NSL1: variants seen among roughly 807,000 people sequenced by gnomAD.
NSL1 encodes kinetochore-associated protein NSL1 homolog.
In NSL1, 11 loss-of-function variants were observed where a neutral mutation model predicts 25.4. The ratio of observed to expected loss-of-function variants is 0.43; its 90% confidence interval spans 0.27 to 0.72. The LOEUF is 0.72. Ranked by LOEUF, NSL1 falls within the 30% of genes least tolerant of loss-of-function variation. The pLI, the probability that NSL1 is intolerant of heterozygous loss-of-function variation, is 0.19. For missense variants in NSL1, 330 were observed against 342.7 expected, an observed-to-expected ratio of 0.96 and a Z score of 0.29; for synonymous variants, 118 against 120.6, an observed-to-expected ratio of 0.98 and a Z score of 0.14.
Position 212,734,336 on chromosome 1 carries a change from T to G in NSL1, c.*4072A>C. ...CTGCCATTAAGGGACTTACAGTTTT[T>G]GGGTCTGTCTTTGATGCTGGAGACG... is the stretch of plus-strand genomic sequence containing the variant. On this transcript the variant is annotated 3_prime_UTR_variant, in exon 6 of 6. Transcript: ENST00000366977. 6.6e-6 allele frequency among the ~76,000 whole-genome samples: 1 copy of G among 152,250 alleles called. No individual in the cohort carries two copies. Among genetic ancestry groups the G allele is most frequent in the East Asian group, 1.9e-4 (1 of 5,200 alleles).
At chr1:212,771,611 C>CAAA (rs57899487) in intron 4 of NSL1, among the ~76,000 whole-genome samples, 13,842 of 58,446 alleles carry the variant, frequency 0.24, 1,399 homozygotes, top group Non-Finnish European at 0.35. Context: ...AAGACTCCAC[C>CAAA]AAAAAAAAAA....
At chr1:212,790,699 G>C (rs2102412487) in intron 1 of NSL1, among the ~76,000 whole-genome samples, 1 of 152,086 alleles carries the variant, frequency 6.6e-6, no homozygotes, top group South Asian at 2.1e-4. Context: ...AAGGCGGGCG[G>C]ATCACGAGGT....
At chr1:212,784,289 A>ACGT in intron 3 of NSL1, 74 bp downstream of exon 3, 2 of 1,014,092 alleles carry the variant, frequency 2.0e-6, no homozygotes. Flanking sequence ...ACTTATCTCC[A>ACGT]CGTAGAGCCT....
At chr1:212,788,897 A>G (rs1217449409) in intron 1 of NSL1, among the ~76,000 whole-genome samples, 1 of 152,240 alleles carries the variant, frequency 6.6e-6, no homozygotes, top group Non-Finnish European at 1.5e-5. Context: ...TCAGCATGAC[A>G]TTATTAATGG....
rs1267796206 is a variant in NSL1 at position 212,731,423 on chromosome 1, A to G, written c.*6985T>C. 1 of 985,212 alleles carries G rather than the reference A, an allele frequency of 1.0e-6. No individual in the cohort carries two copies. The highest frequency in any genetic ancestry group is 1.2e-6 in the Non-Finnish European group (1 of 829,906). The allele number at this position is 985,212 out of a possible 1,614,324, so 61.0% of individuals were successfully genotyped here. ...ATAAACTAGCCGGGCATGGTGGCAC[A>G]CGCCTGTTTTGAAACCCTGAGAAAG... On this transcript the variant is annotated 3_prime_UTR_variant, in exon 6 of 6. Coordinates refer to ENST00000366977, the MANE Select transcript of NSL1 (RefSeq NM_015471.4).
intron 4 of NSL1, among the ~76,000 whole-genome samples, chr1:212,751,753 G>T (rs890302491): frequency 6.6e-6 from 1 of 151,886 alleles, no homozygotes; most frequent in Admixed American, 6.6e-5. Context: ...ACTAAAAATG[G>T]TCACTAAATA....
chr1:212,759,203 T>G (rs1431219310), intron 4 of NSL1, among the ~76,000 whole-genome samples: 3 of 152,008 alleles, frequency 2.0e-5, no homozygotes, highest in Admixed American at 6.6e-5. Flanking sequence ...GTAAATTAGA[T>G]TTTGCCAAAT....
At chr1:212,762,631 C>T (rs993376409) in intron 4 of NSL1, among the ~76,000 whole-genome samples, 7 of 152,142 alleles carry the variant, frequency 4.6e-5, no homozygotes, top group Admixed American at 3.3e-4. Context: ...AAACTAAGTT[C>T]CCAGAGTGTA....
intron 4 of NSL1, among the ~76,000 whole-genome samples, chr1:212,765,020 T>C (rs1571895119): frequency 1.3e-5 from 2 of 151,928 alleles, no homozygotes; most frequent in Middle Eastern, 3.4e-3. Flanking sequence ...ATATAACCCT[T>C]CTAGATTAAA....
chr1:212,738,659 C>G lies in NSL1; in HGVS notation c.595G>C (p.Glu199Gln). The stretch of plus-strand genomic sequence containing the variant: ...ATCCTGAGAACTTGGGAAAATCCCT[C>G]TCCTTGTTCAATTAATGCAGGCAAG... ...KSLPALIEQG[E>Q]GFSQVLRMQP... Residue 199 changes from glutamate to glutamine, a missense_variant, in exon 6 of 6, where the codon GAG becomes CAG. Physicochemically the swap from Glu to Gln is conservative, Grantham distance 29. Coordinates refer to ENST00000366977, the MANE Select transcript of NSL1 (RefSeq NM_015471.4). 1 of 1,613,890 alleles carries G rather than the reference C, an allele frequency of 6.2e-7. No individual in the cohort carries two copies.
chr1:212,784,757 A>G (rs1026982004), intron 2 of NSL1, among the ~76,000 whole-genome samples: 1 of 152,248 alleles, frequency 6.6e-6, no homozygotes, highest in South Asian at 2.1e-4. Context: ...CTAAGAGTTC[A>G]CAGTTTGCTG....
chr1:212,762,663 C>T (rs917410385), intron 4 of NSL1, among the ~76,000 whole-genome samples: 10 of 152,164 alleles, frequency 6.6e-5, no homozygotes, highest in African/African-American at 2.2e-4. Context: ...GAGCCTGTCT[C>T]GGAGCACACA....
At chr1:212,754,638 G>A (rs568652756) in intron 4 of NSL1, among the ~76,000 whole-genome samples, 4 of 151,964 alleles carry the variant, frequency 2.6e-5, no homozygotes, top group East Asian at 1.9e-4. Flanking sequence ...TTATCCGGGC[G>A]TGGTGGTGGG....
chr1:212,785,935 A>G (rs1231765351), intron 2 of NSL1, among the ~76,000 whole-genome samples: 1 of 152,232 alleles, frequency 6.6e-6, no homozygotes, highest in Non-Finnish European at 1.5e-5. Context: ...ATAATCAAGT[A>G]TATCAGGTAT....
At chr1:212,745,901 G>A (rs1181860233) in intron 4 of NSL1, among the ~76,000 whole-genome samples, 2 of 152,198 alleles carry the variant, frequency 1.3e-5, no homozygotes, top group Non-Finnish European at 2.9e-5. Flanking sequence ...GGGAGGCTGA[G>A]GCTGCAGTGA....
At chr1:212,749,098 CAT>C (rs1658941212) in intron 4 of NSL1, among the ~76,000 whole-genome samples, 1 of 152,048 alleles carries the variant, frequency 6.6e-6, no homozygotes, top group African/African-American at 2.4e-5. Flanking sequence ...GTGGCAGTTA[CAT>C]GTGTGTAGGT....
Position 212,732,169 on chromosome 1 carries a change from T to C in NSL1, c.*6239A>G. The stretch of plus-strand genomic sequence containing the variant: ...AGCTTTCTGCCTCTACTGTAGTGAA[T>C]AACTGCCTTATTTTTTGTTTCTTTG... On this transcript the variant is annotated 3_prime_UTR_variant, in exon 6 of 6. Transcript: ENST00000366977. 1 of 985,062 alleles carries C rather than the reference T, an allele frequency of 1.0e-6. No individual in the cohort carries two copies. The highest frequency in any genetic ancestry group is 1.2e-6 in the Non-Finnish European group (1 of 829,610). The allele number at this position is 985,062 out of a possible 1,614,324, so 61.0% of individuals were successfully genotyped here. A position where few individuals can be genotyped will look rare whatever the true frequency, so the allele number is the denominator to read the frequency against.
Position 212,782,394 on chromosome 1 carries a change from G to A in NSL1, c.477C>T (p.Asp159=). 1 of 1,611,340 alleles carries A rather than the reference G, an allele frequency of 6.2e-7. No homozygotes were observed. The highest frequency in any genetic ancestry group is 8.5e-7 in the Non-Finnish European group (1 of 1,177,508). Residue 159 remains aspartate (D), a synonymous_variant, in exon 4 of 6, where the codon GAC becomes GAT. Coordinates refer to ENST00000366977, the MANE Select transcript of NSL1 (RefSeq NM_015471.4). ...CACCTGGATCAGGGTCATATTTTAG[G>A]TCCAGTGGATGTACAACAGGGTGGT... ...KQYHPVVHPL[D]LKYDPDPAPH...
intron 4 of NSL1, among the ~76,000 whole-genome samples, chr1:212,774,983 TA>T (rs149886455): frequency 0.02 from 3,043 of 152,276 alleles, 115 homozygotes; most frequent in African/African-American, 0.07. Context: ...AAAGTTTTTT[TA>T]AAAAGTCTGT....
Sources: gnomAD v4.1 joint callset for allele counts (sites outside exome capture counted in the v4.1 genomes callset) on GRCh38, gnomAD v4.1.1 for gene constraint, MANE v1.5 for transcripts, NCBI Gene and HGNC (gene_info 2026-07-23, HGNC 2026-07-21) for gene names.